Variants in ARHGEF9 observed in about 807,000 individuals in gnomAD.
The protein encoded by ARHGEF9 is rho guanine nucleotide exchange factor 9.
A neutral mutation model predicts 41.3 loss-of-function variants in ARHGEF9; 2 were observed. That is an observed-to-expected ratio of 0.05 (90% CI 0.02 to 0.15). The LOEUF is 0.15. Ranked by LOEUF, ARHGEF9 falls within the 10% of genes least tolerant of loss-of-function variation. The probability of loss-of-function intolerance (pLI) is 1.00; values close to 1 mark genes in which losing one functional copy is unlikely to be tolerated. For missense variants in ARHGEF9, 225 were observed against 424.7 expected (o/e 0.53, Z 4.13); for synonymous variants, 160 against 154.4 (o/e 1.04, Z -0.27).
chrX:63,656,109 C>CGTTCAAATATCTGGAG (rs1350083703), intron 7 of ARHGEF9, among the ~76,000 whole-genome samples: 1 of 111,061 alleles, frequency 9.0e-6, no homozygotes, highest in Non-Finnish European at 1.9e-5. Context: ...TGGCTGGTTG[C>CGTTCAAATATCTGGAG]CTGGAGTGTG....
chrX:63,719,342 C>T (rs1316038748), intron 2 of ARHGEF9, among the ~76,000 whole-genome samples: 2 of 112,202 alleles, frequency 1.8e-5, no homozygotes, highest in African/African-American at 6.5e-5. Context: ...ACACTATTGC[C>T]TTTAGTCTGG....
intron 7 of ARHGEF9, among the ~76,000 whole-genome samples, chrX:63,660,527 C>A (rs1377596730): frequency 9.0e-6 from 1 of 111,393 alleles, no homozygotes; most frequent in African/African-American, 3.3e-5. Flanking sequence ...TGAATATGCA[C>A]CCCCTAAAGC....
Position 63,637,937 on chromosome X carries a change from T to C in ARHGEF9, c.*91A>G. On this transcript the variant is annotated 3_prime_UTR_variant, in exon 10 of 10. Transcript: ENST00000671741. ...GGGTCTCTGTGTGTGTGTGTGTGTATAAATTTCAACAGTGCTTCTCCGAAA... is the reference window on the plus strand; with the variant it reads ...GGGTCTCTGTGTGTGTGTGTGTGTACAAATTTCAACAGTGCTTCTCCGAAA... 2.4e-6 allele frequency: 2 copies of C among 832,449 alleles called. No homozygotes were observed. Among genetic ancestry groups the C allele is most frequent in the Non-Finnish European group, 3.4e-6 (2 of 596,440 alleles). The allele number at this position is 832,449 out of a possible 1,213,427, so 68.6% of individuals were successfully genotyped here.
Position 63,706,426 on chromosome X carries a change from C to T in ARHGEF9, c.234G>A (p.Glu78=), listed in dbSNP as rs868932053. Residue 78 remains glutamate (E), a synonymous_variant, in exon 3 of 10, where the codon GAG becomes GAA. Transcript: ENST00000671741. ...GCACATCGCTGGGCCCCTCCTCCAC[C>T]TCATCCTCCTGGTTCACCCAGAGCT... ...FVRLWVNQED[E]VEEGPSDVQN... 1.6e-5 allele frequency: 19 copies of T among 1,207,303 alleles called. No homozygotes were observed. The highest frequency in any genetic ancestry group is 2.1e-5 in the Non-Finnish European group (19 of 893,714).
chrX:63,743,231 T>C (rs2055068058), intron 1 of ARHGEF9: 1 of 110,885 alleles, frequency 9.0e-6, no homozygotes. Flanking sequence ...AACAACAAAA[T>C]ACTTAGACAG....
intron 9 of ARHGEF9, chrX:63,641,125 G>A (rs1203464611): frequency 1.8e-5 from 2 of 110,887 alleles, no homozygotes; most frequent in African/African-American, 3.3e-5. Context: ...GACGAGGCGA[G>A]GGGATCACCT....
Position 63,637,616 on chromosome X carries a change from G to A in ARHGEF9, c.*412C>T, listed in dbSNP as rs782644015. ...AAAAAACAATACAAACACATCTATC[G>A]TAATAATGACAAGGCAGTGAATCAC... On this transcript the variant is annotated 3_prime_UTR_variant, in exon 10 of 10. Transcript: ENST00000671741. 4.9e-6 allele frequency: 1 copy of A among 203,816 alleles called. No individual in the cohort carries two copies. The highest frequency in any genetic ancestry group is 8.8e-5 in the East Asian group (1 of 11,323). The allele number at this position is 203,816 out of a possible 1,213,427, so 16.8% of individuals were successfully genotyped here. A position where few individuals can be genotyped will look rare whatever the true frequency, so the allele number is the denominator to read the frequency against.
At chrX:63,719,521 C>A (rs1205145007) in intron 2 of ARHGEF9, among the ~76,000 whole-genome samples, 1 of 112,300 alleles carries the variant, frequency 8.9e-6, no homozygotes, top group East Asian at 2.8e-4. Flanking sequence ...ACTGAAACAA[C>A]CTTAAACTGG....
At chrX:63,769,652 T>C (rs2056171323) in intron 1 of ARHGEF9, among the ~76,000 whole-genome samples, 1 of 111,418 alleles carries the variant, frequency 9.0e-6, no homozygotes, top group African/African-American at 3.3e-5. Context: ...TCTGCTGTAT[T>C]CAATCTAGGG....
intron 4 of ARHGEF9, among the ~76,000 whole-genome samples, chrX:63,685,389 T>C (rs1556374386): frequency 8.9e-6 from 1 of 111,780 alleles, no homozygotes; most frequent in South Asian, 3.7e-4. Context: ...CCAAAACTGA[T>C]CCACAGATTT....
chrX:63,671,482 C>T (rs1216893236), intron 6 of ARHGEF9: 4 of 112,262 alleles, frequency 3.6e-5, no homozygotes, highest in Admixed American at 1.9e-4. Flanking sequence ...AAAAGCAAGT[C>T]GCTGAAATAT....
At chrX:63,671,486 G>C (rs1556355528) in intron 6 of ARHGEF9, 1 of 112,485 alleles carries the variant, frequency 8.9e-6, no homozygotes, top group African/African-American at 3.2e-5. Flanking sequence ...GCAAGTCGCT[G>C]AAATATCACA....
At chrX:63,766,141 G>C (rs2056110010) in intron 1 of ARHGEF9, among the ~76,000 whole-genome samples, 1 of 112,099 alleles carries the variant, frequency 8.9e-6, no homozygotes, top group South Asian at 3.7e-4. Context: ...CCTGAAGACA[G>C]AATTTTGGTC....
chrX:63,759,287 C>G (rs1407661069), intron 1 of ARHGEF9, among the ~76,000 whole-genome samples: 1 of 110,988 alleles, frequency 9.0e-6, no homozygotes, highest in Admixed American at 9.6e-5. Context: ...ATGGAGTCCT[C>G]TACATTTGGA....
At chrX:63,774,791 C>T (rs1333543271) in intron 1 of ARHGEF9, among the ~76,000 whole-genome samples, 2 of 111,870 alleles carry the variant, frequency 1.8e-5, no homozygotes. Context: ...AAGACACCAA[C>T]AGCAATTGCA....
chrX:63,696,261 T>A (rs1410814156), intron 4 of ARHGEF9, among the ~76,000 whole-genome samples: 1 of 111,841 alleles, frequency 8.9e-6, no homozygotes, highest in Non-Finnish European at 1.9e-5. Flanking sequence ...GAATTTTATA[T>A]TAAGTGCACA....
At chrX:63,681,761 C>T (rs2050638715) in intron 4 of ARHGEF9, among the ~76,000 whole-genome samples, 1 of 110,157 alleles carries the variant, frequency 9.1e-6, no homozygotes, top group Non-Finnish European at 1.9e-5. Flanking sequence ...AACAGAAAAA[C>T]TTAGGGAAAA....
At chrX:63,699,821 T>C (rs1428902058) in intron 3 of ARHGEF9, among the ~76,000 whole-genome samples, 2 of 112,265 alleles carry the variant, frequency 1.8e-5, no homozygotes, top group Non-Finnish European at 3.8e-5. Flanking sequence ...AAATTGTTTA[T>C]GATACAATGT....
rs782409710 is a variant in ARHGEF9 at position 63,678,478 on chromosome X, T to C, written c.677A>G (p.His226Arg). 1 of 1,205,618 alleles carries C rather than the reference T, an allele frequency of 8.3e-7. No individual in the cohort carries two copies. The highest frequency in any genetic ancestry group is 1.1e-6 in the Non-Finnish European group (1 of 892,226). ...CAAGAGGCGACAGGCCTCAAAGAAG[T>C]GCTGGTAGCGGCTGTCCTTCATCAG... ...SKLMKDSRYQ[H>R]FFEACRLLQQ... Residue 226 changes from histidine (H) to arginine (R), a missense_variant, in exon 5 of 10, where the codon CAC (histidine) becomes CGC (arginine). His to Arg is a conservative substitution (Grantham distance 29). This residue lies in a region of ARHGEF9 where 114 missense variants were observed against 197.9 expected (regional missense o/e 0.58). Transcript: ENST00000671741.
Sources: allele counts gnomAD v4.1 joint callset (sites outside exome capture counted in the v4.1 genomes callset), GRCh38; gene constraint gnomAD v4.1.1; regional missense constraint gnomAD v4.1.1; transcripts MANE v1.5; gene names NCBI Gene and HGNC (gene_info 2026-07-23, HGNC 2026-07-21).